Variants in PSD3 observed in about 807,000 individuals in gnomAD.
The protein encoded by PSD3 is PH and SEC7 domain-containing protein 3.
A neutral mutation model predicts 105.5 loss-of-function variants in PSD3; 49 were observed. The ratio of observed to expected loss-of-function variants is 0.46; its 90% CI spans 0.37 to 0.59. The LOEUF (loss-of-function observed/expected upper bound fraction) is 0.59. Ranked by LOEUF, PSD3 falls within the 20% of genes least tolerant of loss-of-function variation. The probability of loss-of-function intolerance (pLI) is 0.00; values close to 1 mark genes in which losing one functional copy is unlikely to be tolerated. For missense variants in PSD3, 1,561 were observed against 1,263.8 expected (o/e 1.24, Z -3.57); for synonymous variants, 557 against 457.8 (o/e 1.22, Z -2.77).
intron 11 of PSD3, among the ~76,000 whole-genome samples, chr8:18,609,227 A>G (rs6999651): frequency 6.6e-6 from 1 of 152,052 alleles, no homozygotes; most frequent in African/African-American, 2.4e-5. Context: ...CATTAATGAG[A>G]AGTAATTTAT....
intron 9 of PSD3, among the ~76,000 whole-genome samples, chr8:18,675,277 G>A (rs1800005762): frequency 6.6e-6 from 1 of 152,186 alleles, no homozygotes; most frequent in African/African-American, 2.4e-5. Context: ...ACTGCTTCCT[G>A]TAAACACCTT....
At chr8:18,759,779 T>C (rs1806359006) in intron 9 of PSD3, among the ~76,000 whole-genome samples, 1 of 152,082 alleles carries the variant, frequency 6.6e-6, no homozygotes, top group Non-Finnish European at 1.5e-5. Flanking sequence ...TCCTAGACCA[T>C]TTGCCAGGAT....
intron 9 of PSD3, among the ~76,000 whole-genome samples, chr8:18,696,715 A>G (rs1258109801): frequency 1.3e-5 from 2 of 152,160 alleles, no homozygotes; most frequent in Non-Finnish European, 1.5e-5. Context: ...TTTTTACTGC[A>G]CTAGTTCTAA....
chr8:18,612,560 A>T (rs1805344545), intron 11 of PSD3, among the ~76,000 whole-genome samples: 1 of 151,914 alleles, frequency 6.6e-6, no homozygotes. Flanking sequence ...TTTAGTAGAG[A>T]TGGGTTTCAC....
At chr8:18,916,296 T>C (rs1476303695) in intron 2 of PSD3, among the ~76,000 whole-genome samples, 2 of 28,916 alleles carry the variant, frequency 6.9e-5, no homozygotes, top group Non-Finnish European at 1.2e-4. Context: ...TTAAAAAAAG[T>C]GATATATATA....
chr8:18,682,208 T>C (rs1328716156), intron 9 of PSD3, among the ~76,000 whole-genome samples: 3 of 152,176 alleles, frequency 2.0e-5, no homozygotes, highest in Non-Finnish European at 4.4e-5. Context: ...GGATAGGTAG[T>C]AGGACTACAA....
chr8:18,981,745 A>G (rs1322076677), intron 1 of PSD3, among the ~76,000 whole-genome samples: 1 of 152,208 alleles, frequency 6.6e-6, no homozygotes, highest in Non-Finnish European at 1.5e-5. Flanking sequence ...CTAAAAAGAA[A>G]ACAATGTCAA....
chr8:18,606,621 T>A (rs2130611647), intron 11 of PSD3, among the ~76,000 whole-genome samples: 1 of 152,236 alleles, frequency 6.6e-6, no homozygotes, highest in East Asian at 1.9e-4. Flanking sequence ...CTAGGAAGAA[T>A]TCATTTGGAG....
At chr8:18,616,472 T>C (rs1393919836) in intron 11 of PSD3, among the ~76,000 whole-genome samples, 1 of 152,098 alleles carries the variant, frequency 6.6e-6, no homozygotes, top group African/African-American at 2.4e-5. Flanking sequence ...TAGGAAAGAT[T>C]AACTCAGTGT....
chr8:19,035,903 T>C (rs941790336), intron 1 of PSD3, among the ~76,000 whole-genome samples: 2 of 152,012 alleles, frequency 1.3e-5, no homozygotes, highest in African/African-American at 4.8e-5. Context: ...TGCAGGTGCA[T>C]ACCACTATGC....
chr8:18,956,260 A>G (rs925561941), intron 1 of PSD3, among the ~76,000 whole-genome samples: 2 of 152,224 alleles, frequency 1.3e-5, no homozygotes, highest in Non-Finnish European at 2.9e-5. Flanking sequence ...AGAATGAAGT[A>G]TAAGAGATCA....
chr8:18,927,252 TGC>T (rs1158204675), intron 2 of PSD3, among the ~76,000 whole-genome samples: 1 of 152,082 alleles, frequency 6.6e-6, no homozygotes, highest in Non-Finnish European at 1.5e-5. Flanking sequence ...GTCACTCTGT[TGC>T]CCAGGCTGGG....
chr8:18,581,512 T>A (rs540668288), intron 12 of PSD3, among the ~76,000 whole-genome samples: 34 of 152,300 alleles, frequency 2.2e-4, no homozygotes, highest in African/African-American at 8.2e-4. Context: ...TGGAACAGTT[T>A]TGAAATGTGC....
intron 12 of PSD3, among the ~76,000 whole-genome samples, chr8:18,599,922 T>C (rs1487212767): frequency 6.6e-6 from 1 of 152,158 alleles, no homozygotes; most frequent in African/African-American, 2.4e-5. Context: ...CAGTAAGAGA[T>C]TAACCATAAT....
chr8:19,013,801 G>A (rs1255621474), upstream of PSD3: 1 of 196,176 alleles, frequency 5.1e-6, no homozygotes, highest in Non-Finnish European at 9.9e-6. Flanking sequence ...AAGCGAAGGC[G>A]GCGCAGGCGG....
intron 9 of PSD3, among the ~76,000 whole-genome samples, chr8:18,693,186 T>A (rs142514739): frequency 1.3e-5 from 2 of 152,124 alleles, no homozygotes; most frequent in African/African-American, 4.8e-5. Context: ...CCTCAATGAG[T>A]AGGGATTCTA....
chr8:18,912,692 C>G (rs2129464551), intron 2 of PSD3, among the ~76,000 whole-genome samples: 1 of 152,274 alleles, frequency 6.6e-6, no homozygotes, highest in African/African-American at 2.4e-5. Flanking sequence ...CAGTCCCGAC[C>G]AGAACCCTCC....
chr8:18,776,611 C>T (rs1182269427), intron 8 of PSD3, among the ~76,000 whole-genome samples: 6 of 151,948 alleles, frequency 3.9e-5, no homozygotes, highest in Non-Finnish European at 5.9e-5. Context: ...CTTCTGACCT[C>T]GTGATCTGCT....
At chr8:18,573,570 T>C (rs560827774) in intron 13 of PSD3, among the ~76,000 whole-genome samples, 112 of 105,986 alleles carry the variant, frequency 1.1e-3, no homozygotes, top group Non-Finnish European at 1.7e-3. Context: ...GTCCAGTAAA[T>C]GGATAAACAA....
Sources: allele counts gnomAD v4.1 joint callset (sites outside exome capture counted in the v4.1 genomes callset), GRCh38; gene constraint gnomAD v4.1.1; transcripts MANE v1.5; gene names NCBI Gene and HGNC (gene_info 2026-07-23, HGNC 2026-07-21).